HS2ST1: variants seen among roughly 807,000 people sequenced by gnomAD.
HS2ST1 encodes the protein 2-O-sulfotransferase.
Under a neutral mutation model 42.9 loss-of-function variants are expected in HS2ST1, and 18 were observed. That is an observed-to-expected ratio of 0.42 (90% confidence interval 0.29 to 0.62). The LOEUF is 0.62. HS2ST1 is among the 20% of genes least tolerant of loss of function. The pLI, the probability that HS2ST1 is intolerant of heterozygous loss-of-function variation, is 0.21. For missense variants in HS2ST1, 334 were observed against 433.8 expected, an observed-to-expected ratio of 0.77 and a Z score of 2.04; for synonymous variants, 146 against 152.9, an observed-to-expected ratio of 0.95 and a Z score of 0.33.
intron 1 of HS2ST1, among the ~76,000 whole-genome samples, chr1:87,043,923 G>GA (rs1650579747): frequency 6.6e-6 from 1 of 152,018 alleles, no homozygotes; most frequent in East Asian, 1.9e-4. Context: ...AGAAAATTTA[G>GA]AAAAATGCTT....
intron 1 of HS2ST1, among the ~76,000 whole-genome samples, chr1:86,993,444 A>G (rs1180411522): frequency 2.0e-5 from 3 of 152,186 alleles, no homozygotes; most frequent in African/African-American, 7.2e-5. Context: ...TTATTTATAG[A>G]TAATTTAAAA....
intron 1 of HS2ST1, among the ~76,000 whole-genome samples, chr1:86,963,319 T>TTTGTGTCC (rs1209649085): frequency 6.6e-6 from 1 of 152,130 alleles, no homozygotes; most frequent in Non-Finnish European, 1.5e-5. Context: ...TACCGCAGTG[T>TTTGTGTCC]TTGTGTCCGT....
At chr1:87,100,432 G>T (rs1386087011) in intron 5 of HS2ST1, among the ~76,000 whole-genome samples, 1 of 152,182 alleles carries the variant, frequency 6.6e-6, no homozygotes, top group East Asian at 1.9e-4. Context: ...CCCTGGGCCT[G>T]CCCCCTTAAA....
At chr1:86,950,523 A>C (rs991514517) in intron 1 of HS2ST1, among the ~76,000 whole-genome samples, 1 of 152,156 alleles carries the variant, frequency 6.6e-6, no homozygotes, top group African/African-American at 2.4e-5. Context: ...GAAATTGTAG[A>C]ATGGATTTGA....
intron 1 of HS2ST1, among the ~76,000 whole-genome samples, chr1:86,990,764 TC>T: frequency 1.5e-5 from 2 of 136,858 alleles, no homozygotes; most frequent in South Asian, 2.4e-4. Context: ...CTGCCTCACC[TC>T]CCGAGTAACT....
intron 1 of HS2ST1, among the ~76,000 whole-genome samples, chr1:86,941,727 A>G (rs1660767808): frequency 6.6e-6 from 1 of 152,030 alleles, no homozygotes; most frequent in African/African-American, 2.4e-5. Context: ...GTGAGCCGAG[A>G]TTGCACCACT....
intron 1 of HS2ST1, among the ~76,000 whole-genome samples, chr1:86,931,450 T>C (rs905711074): frequency 2.6e-5 from 4 of 152,086 alleles, no homozygotes; most frequent in African/African-American, 9.7e-5. Flanking sequence ...TAACCCTTAC[T>C]TCAGATTCTG....
rs143150403 is a variant in HS2ST1 at position 87,037,011 on chromosome 1, A to G, written c.125-35923A>G. On this transcript the variant is annotated intron_variant, in intron 1 of 6. Transcript: ENST00000370550. ...TTTGTTAAATTAAACCTTAGGTAAT[A>G]AAGTGCTAGGGTTCTTTTTCCTGTT... Among the ~76,000 whole-genome samples, 85 of 152,264 alleles carry G rather than the reference A, an allele frequency of 5.6e-4. No individual in the cohort carries two copies. The East Asian group carries it at 0.014, about 26-fold the overall frequency.
Position 87,104,486 on chromosome 1 carries a change from T to G in HS2ST1, c.861T>G (p.Leu287=). 1 of 1,609,742 alleles carries G rather than the reference T, an allele frequency of 6.2e-7. No individual in the cohort carries two copies. The highest frequency in any genetic ancestry group is 8.5e-7 in the Non-Finnish European group (1 of 1,177,222). Residue 287 remains leucine (L), a synonymous_variant, in exon 7 of 7, where the codon CTT becomes CTG. Coordinates refer to ENST00000370550, the MANE Select transcript of HS2ST1 (RefSeq NM_012262.4). Reference sequence around the variant, plus strand: ...TGTAAGTAGGAAAGAAATCTCATCTTAGGAAAACCACAGAGAAGAAACTCC... The same window carrying G: ...TGTAAGTAGGAAAGAAATCTCATCTGAGGAAAACCACAGAGAAGAAACTCC... The part of the protein sequence containing the change: ...ELYRTGKKSH[L]RKTTEKKLPT...
chr1:87,029,119 A>G (rs1372309900), intron 1 of HS2ST1, among the ~76,000 whole-genome samples: 1 of 152,198 alleles, frequency 6.6e-6, no homozygotes, highest in Non-Finnish European at 1.5e-5. Context: ...AGTAGCATTT[A>G]TCCCTGGAAT....
rs531138879 is a variant in HS2ST1, at chr1:86,985,304, G to A, written c.124+70144G>A. 9.9e-3 allele frequency among the ~76,000 whole-genome samples: 1,410 copies of A among 142,334 alleles called. 27 individuals are homozygous for A. The highest frequency in any genetic ancestry group is 0.022 in the African/African-American group (826 of 38,154). 93.4% of individuals were successfully genotyped at this position (142,334 alleles called of 152,430 possible). A position where few individuals can be genotyped will look rare whatever the true frequency, so the allele number is the denominator to read the frequency against. On this transcript the variant is annotated intron_variant, in intron 1 of 6. Coordinates refer to ENST00000370550, the MANE Select transcript of HS2ST1 (RefSeq NM_012262.4). ...CAGGAGGTGGAGCTTGCAGTGAGCC[G>A]AGATCGTGCCACTGCACTCCAGCCT... is the stretch of plus-strand genomic sequence containing the variant.
chr1:86,923,614 T>C (rs1660350358), intron 1 of HS2ST1, among the ~76,000 whole-genome samples: 1 of 152,196 alleles, frequency 6.6e-6, no homozygotes, highest in African/African-American at 2.4e-5. Context: ...GCCAGGCTGG[T>C]CTTGATCTCC....
intron 1 of HS2ST1, among the ~76,000 whole-genome samples, chr1:86,924,008 C>T (rs944748350): frequency 6.6e-6 from 1 of 152,228 alleles, no homozygotes; most frequent in South Asian, 2.1e-4. Context: ...AGGCAAGTCC[C>T]TTCTGCCTAT....
intron 1 of HS2ST1, among the ~76,000 whole-genome samples, chr1:86,918,303 C>CT (rs1161182713): frequency 1.3e-5 from 2 of 151,850 alleles, no homozygotes; most frequent in Non-Finnish European, 1.5e-5. Flanking sequence ...ATGCGGCTTG[C>CT]TTTTTTTGCC....
chr1:87,046,125 A>T (rs974826084), intron 1 of HS2ST1: 1 of 693,030 alleles, frequency 1.4e-6, no homozygotes, highest in African/African-American at 1.8e-5. Flanking sequence ...ATTGGTTATG[A>T]ATGCTTTAGA....
chr1:87,067,345 T>C (rs1651279827), intron 1 of HS2ST1, among the ~76,000 whole-genome samples: 1 of 152,250 alleles, frequency 6.6e-6, no homozygotes, highest in Non-Finnish European at 1.5e-5. Flanking sequence ...TTTTTTCATA[T>C]ATTTGTTGGC....
chr1:86,932,787 C>T (rs1389875472), intron 1 of HS2ST1, among the ~76,000 whole-genome samples: 1 of 152,086 alleles, frequency 6.6e-6, no homozygotes, highest in Admixed American at 6.6e-5. Flanking sequence ...GTAAACCTGT[C>T]TTTCTCAGAA....
At position 87,075,161 on chromosome 1, in the gene HS2ST1, C is replaced by CTTTTTTT. The variant is rs34812948; in HGVS notation, c.363+2007_363+2013dup. 4.7e-4 allele frequency among the ~76,000 whole-genome samples: 23 copies of CTTTTTTT among 48,592 alleles called. 2 individuals carry two copies. The highest frequency in any genetic ancestry group is 5.5e-4 in the East Asian group (1 of 1,826). 31.9% of individuals were successfully genotyped at this position (48,592 alleles called of 152,430 possible). A position where few individuals can be genotyped will look rare whatever the true frequency, so the allele number is the denominator to read the frequency against. ...GTCTCTGTGTACTGTTCTCAGCTACCTTTTTTTTTTTTTTTTTTTTTTTTG... is the reference window on the plus strand; with the variant it reads ...GTCTCTGTGTACTGTTCTCAGCTACCTTTTTTTTTTTTTTTTTTTTTTTTTTTTTTTG... On this transcript the variant is annotated intron_variant, in intron 2 of 6. Transcript: ENST00000370550.
At chr1:86,970,757 G>A (rs1648208832) in intron 1 of HS2ST1, among the ~76,000 whole-genome samples, 1 of 151,898 alleles carries the variant, frequency 6.6e-6, no homozygotes, top group South Asian at 2.1e-4. Context: ...AAGTTATTTT[G>A]GTTCACACAT....
Sources: allele counts gnomAD v4.1 joint callset (sites outside exome capture counted in the v4.1 genomes callset), GRCh38; gene constraint gnomAD v4.1.1; transcripts MANE v1.5; gene names NCBI Gene and HGNC (gene_info 2026-07-23, HGNC 2026-07-21).